TNKS: variants seen among roughly 807,000 people sequenced by gnomAD.
The protein encoded by TNKS is poly [ADP-ribose] polymerase tankyrase-1.
A neutral mutation model predicts 135.8 loss-of-function variants in TNKS; 72 were observed. That is an observed-to-expected ratio of 0.53 (90% confidence interval 0.44 to 0.64). The LOEUF (loss-of-function observed/expected upper bound fraction) is 0.64, where lower values mean the gene tolerates loss of function less well. Ranked by LOEUF, TNKS falls within the 30% of genes least tolerant of loss-of-function variation. The pLI, the probability that TNKS is intolerant of heterozygous loss-of-function variation, is 0.00. For synonymous variants in TNKS, 849 were observed against 649.3 expected (o/e 1.31, Z -4.68); for missense variants, 1,769 against 1,674.0 (o/e 1.06, Z -0.99).
rs761245282 is a variant in TNKS, at chr8:9,555,926, A to G, written c.-14A>G. The G allele has an allele frequency of 2.5e-6, 4 of 1,604,286 alleles. No homozygotes were observed. Among genetic ancestry groups the G allele is most frequent in the Admixed American group, 1.7e-5 (1 of 59,146 alleles). ...GGGCCGTTGCCGCAGTGACAGTGCTAGGGGAGTCCGAAGATGGCGGCGTCG... is the reference window on the plus strand; with the variant it reads ...GGGCCGTTGCCGCAGTGACAGTGCTGGGGGAGTCCGAAGATGGCGGCGTCG... On this transcript the variant is annotated 5_prime_UTR_variant, in exon 1 of 27. Coordinates refer to ENST00000310430, the MANE Select transcript of TNKS (RefSeq NM_003747.3).
In TNKS at chr8:9,605,836, A is replaced by G. The variant is rs560466066; in HGVS notation, c.899-9746A>G. On this transcript the variant is annotated intron_variant, in intron 2 of 26. Transcript: ENST00000310430. ...TTTGTAGAAGTTCTTTCTCTAATCT[A>G]GAAGAGTTTTTTGTCTTACATATGT... 5.9e-5 allele frequency among the ~76,000 whole-genome samples: 9 copies of G among 152,204 alleles called. No individual in the cohort carries two copies. In the South Asian group the frequency reaches 1.9e-3, roughly 32 times the overall value.
intron 12 of TNKS, among the ~76,000 whole-genome samples, chr8:9,721,017 C>G (rs1804850601): frequency 6.6e-6 from 1 of 152,034 alleles, no homozygotes; most frequent in Admixed American, 6.6e-5. Flanking sequence ...CACAGTGGCT[C>G]ACTCCTGTAA....
intron 15 of TNKS, among the ~76,000 whole-genome samples, chr8:9,734,445 A>AT (rs1229852750): frequency 6.9e-6 from 1 of 145,916 alleles, no homozygotes; most frequent in Non-Finnish European, 1.5e-5. Context: ...TTTAGAATTA[A>AT]GTCCTTTTTT....
At chr8:9,588,594 C>G (rs1563098542) in intron 2 of TNKS, among the ~76,000 whole-genome samples, 1 of 152,134 alleles carries the variant, frequency 6.6e-6, no homozygotes, top group South Asian at 2.1e-4. Flanking sequence ...TTTCTTTTAT[C>G]TAAAAAGGGG....
chr8:9,762,938 C>G (rs185155004), intron 21 of TNKS, among the ~76,000 whole-genome samples: 1 of 151,590 alleles, frequency 6.6e-6, no homozygotes, highest in African/African-American at 2.4e-5. Flanking sequence ...TAAAATCAGT[C>G]CCCAAACATC....
At chr8:9,736,492 A>G (rs1333086676) in intron 17 of TNKS, among the ~76,000 whole-genome samples, 1 of 151,924 alleles carries the variant, frequency 6.6e-6, no homozygotes, top group Non-Finnish European at 1.5e-5. Context: ...TATGTCCTGA[A>G]TGGTAATGCC....
chr8:9,699,002 A>G (rs1803664497), intron 5 of TNKS, among the ~76,000 whole-genome samples: 1 of 152,140 alleles, frequency 6.6e-6, no homozygotes, highest in Non-Finnish European at 1.5e-5. Context: ...CTGTTCCATA[A>G]TTTACTTTAC....
At chr8:9,666,963 A>G (rs964639465) in intron 3 of TNKS, among the ~76,000 whole-genome samples, 11 of 152,202 alleles carry the variant, frequency 7.2e-5, no homozygotes, top group Non-Finnish European at 1.3e-4. Flanking sequence ...AAGAGAAATT[A>G]AAATGCTAAA....
chr8:9,742,233 A>C (rs889271164), intron 17 of TNKS, among the ~76,000 whole-genome samples: 1 of 152,188 alleles, frequency 6.6e-6, no homozygotes, highest in Admixed American at 6.5e-5. Context: ...TTGTAAATTT[A>C]AAAATCAGGC....
At chr8:9,708,313 T>C in intron 8 of TNKS, 58 bp from the exon 9 acceptor site, 1 of 1,382,018 alleles carries the variant, frequency 7.2e-7, no homozygotes, top group Non-Finnish European at 9.7e-7. Context: ...ATAATCATGC[T>C]GAAGATTTTT....
rs1407354267 is a variant in TNKS at position 9,778,774 on chromosome 8, C to T, written c.*2038C>T. 2 of 152,256 alleles carry T rather than the reference C, an allele frequency of 1.3e-5. No homozygotes were observed. The highest frequency in any genetic ancestry group is 4.8e-5 in the African/African-American group (2 of 41,438). The allele number at this position is 152,256 out of a possible 1,614,324, so 9.4% of individuals were successfully genotyped here. On this transcript the variant is annotated 3_prime_UTR_variant, in exon 27 of 27. Transcript: ENST00000310430. ...GTAGCTGTCAAGTGTGTCTTACTTA[C>T]CTTCCCCCAGACGTAGTTTAAAATG...
At chr8:9,560,607 T>A (rs1797288104) in intron 1 of TNKS, among the ~76,000 whole-genome samples, 1 of 140,332 alleles carries the variant, frequency 7.1e-6, no homozygotes. Flanking sequence ...CAGTGGGTAA[T>A]AAAATGAGTC....
chr8:9,570,076 A>T (rs910436469), intron 1 of TNKS, among the ~76,000 whole-genome samples: 1 of 152,156 alleles, frequency 6.6e-6, no homozygotes, highest in Admixed American at 6.5e-5. Context: ...TTTGCTATAT[A>T]TTAAGAGGTA....
intron 2 of TNKS, among the ~76,000 whole-genome samples, chr8:9,586,712 A>G (rs1026671178): frequency 6.9e-6 from 1 of 145,852 alleles, no homozygotes; most frequent in Non-Finnish European, 1.5e-5. Context: ...TATATAATTT[A>G]TATCTAAAAC....
intron 3 of TNKS, among the ~76,000 whole-genome samples, chr8:9,629,803 C>T (rs941045002): frequency 3.3e-5 from 5 of 152,224 alleles, no homozygotes; most frequent in Non-Finnish European, 5.9e-5. Flanking sequence ...CTGCCTCAGC[C>T]TCCTGAGTAG....
chr8:9,662,686 GTA>G (rs996995787), intron 3 of TNKS, among the ~76,000 whole-genome samples: 6 of 152,184 alleles, frequency 3.9e-5, no homozygotes, highest in African/African-American at 1.4e-4. Context: ...CATGGCATAT[GTA>G]TACATATGTA....
intron 26 of TNKS, among the ~76,000 whole-genome samples, chr8:9,772,991 C>CATTTTAATTT (rs774833064): frequency 3.4e-4 from 52 of 150,840 alleles, no homozygotes; most frequent in Admixed American, 1.1e-3. Flanking sequence ...TTTTTGGTAC[C>CATTTTAATTT]ATTTTAATTT....
At chr8:9,626,672 G>A (rs189292229) in intron 3 of TNKS, among the ~76,000 whole-genome samples, 124 of 152,264 alleles carry the variant, frequency 8.1e-4, no homozygotes, top group African/African-American at 2.8e-3. Context: ...AATTGTGGGG[G>A]TTGGGGAAGG....
chr8:9,564,535 T>A lies in TNKS; in HGVS notation c.673+7923T>A, dbSNP rs546544488. The stretch of plus-strand genomic sequence containing the variant: ...GGGAGAAAACACTATAGTAGTTTAG[T>A]CTTTAATATTTTTAACAGCCTCCTT... On this transcript the variant is annotated intron_variant, in intron 1 of 26. Transcript: ENST00000310430. Among the ~76,000 whole-genome samples the A allele has an allele frequency of 1.1e-4, 17 of 152,388 alleles. 2 individuals are homozygous for A. Among genetic ancestry groups the A allele is most frequent in the African/African-American group, 4.1e-4 (17 of 41,602 alleles).
Sources: gnomAD v4.1 joint callset for allele counts (sites outside exome capture counted in the v4.1 genomes callset) on GRCh38, gnomAD v4.1.1 for gene constraint, MANE v1.5 for transcripts, NCBI Gene and HGNC (gene_info 2026-07-23, HGNC 2026-07-21) for gene names.